The following OSBPL2 variants were observed in gnomAD, a reference collection of about 807,000 sequenced individuals.
OSBPL2 encodes the protein oxysterol-binding protein-related protein 2.
Under a neutral mutation model 58.4 loss-of-function variants are expected in OSBPL2, and 18 were observed. The ratio of observed to expected loss-of-function variants is 0.31; its 90% CI spans 0.21 to 0.46. The LOEUF (loss-of-function observed/expected upper bound fraction) is 0.46, where lower values mean the gene tolerates loss of function less well. Ranked by LOEUF, OSBPL2 falls within the 20% of genes least tolerant of loss-of-function variation. The pLI, the probability that OSBPL2 is intolerant of heterozygous loss-of-function variation, is 1.00. For missense variants in OSBPL2, 461 were observed against 616.5 expected (o/e 0.75, Z 2.67); for synonymous variants, 221 against 234.1 (o/e 0.94, Z 0.51).
intron 1 of OSBPL2, among the ~76,000 whole-genome samples, chr20:62,253,385 ACT>A (rs1980697080): frequency 6.6e-6 from 1 of 151,982 alleles, no homozygotes; most frequent in Admixed American, 6.5e-5. Flanking sequence ...GATCTTAGGA[ACT>A]CTGGACTTGA....
At chr20:62,284,014 G>C in intron 9 of OSBPL2, 32 bp from the exon 10 acceptor site, 1 of 1,601,292 alleles carries the variant, frequency 6.2e-7, no homozygotes, top group Non-Finnish European at 8.5e-7. Context: ...TAATGACTAA[G>C]ACTTGTCTTT....
chr20:62,263,577 G>A (rs1448846615), intron 3 of OSBPL2, 39 bp from the exon 4 acceptor site: 17 of 1,548,376 alleles, frequency 1.1e-5, no homozygotes, highest in East Asian at 2.2e-5. Flanking sequence ...AGAGTCCTGT[G>A]TTGAATTCAC....
intron 4 of OSBPL2, among the ~76,000 whole-genome samples, chr20:62,265,261 G>A (rs1291643991): frequency 6.6e-6 from 1 of 152,088 alleles, no homozygotes; most frequent in African/African-American, 2.4e-5. Flanking sequence ...ATTTGTATTA[G>A]TATGAACTCA....
chr20:62,260,257 C>A, intron 3 of OSBPL2, 132 bp downstream of exon 3: 1 of 802,308 alleles, frequency 1.2e-6, no homozygotes, highest in Non-Finnish European at 2.0e-6. Context: ...CCTCCCCATC[C>A]GGACAGCCTC....
intron 1 of OSBPL2, among the ~76,000 whole-genome samples, chr20:62,246,126 C>G (rs542765975): frequency 6.6e-6 from 1 of 152,386 alleles, no homozygotes; most frequent in East Asian, 1.9e-4. Flanking sequence ...AAGCCCTCTG[C>G]TCTCGCTGCT....
intron 13 of OSBPL2, among the ~76,000 whole-genome samples, chr20:62,293,071 TC>T (rs1418520621): frequency 1.3e-5 from 2 of 151,994 alleles, no homozygotes; most frequent in South Asian, 2.1e-4. Flanking sequence ...AGACGGGGTT[TC>T]CCCGTGGTCT....
intron 3 of OSBPL2, among the ~76,000 whole-genome samples, chr20:62,261,604 G>A (rs188137479): frequency 7.7e-4 from 117 of 152,030 alleles, no homozygotes; most frequent in Non-Finnish European, 1.3e-3. Flanking sequence ...TGCATTCCCC[G>A]TTTTCTAGCC....
intron 1 of OSBPL2, among the ~76,000 whole-genome samples, chr20:62,246,680 TG>T (rs1179660134): frequency 1.3e-5 from 2 of 152,276 alleles, no homozygotes; most frequent in Non-Finnish European, 1.5e-5. Flanking sequence ...TAGAAGGTGC[TG>T]GGTGAAGAGA....
At chr20:62,276,097 A>G (rs1159202343) in intron 6 of OSBPL2, among the ~76,000 whole-genome samples, 1 of 152,060 alleles carries the variant, frequency 6.6e-6, no homozygotes. Flanking sequence ...TCGTGTTTTC[A>G]GTAGAGACAG....
chr20:62,243,061 C>T (rs753098755), intron 1 of OSBPL2, among the ~76,000 whole-genome samples: 2 of 152,166 alleles, frequency 1.3e-5, no homozygotes, highest in African/African-American at 2.4e-5. Context: ...CCACTGTGCT[C>T]GGCCAGAGAG....
chr20:62,247,924 A>G (rs900156175), intron 1 of OSBPL2, among the ~76,000 whole-genome samples: 14 of 151,230 alleles, frequency 9.3e-5, no homozygotes, highest in African/African-American at 3.4e-4. Context: ...CGGCCTCCCA[A>G]AGTGCTGGGA....
Position 62,293,823 on chromosome 20 carries a change from C to CTA in OSBPL2, c.1379_1380insTA (p.Asp461ThrfsTer45). On this transcript the variant is annotated frameshift_variant, in exon 14 of 14. Coordinates refer to ENST00000313733, the MANE Select transcript of OSBPL2 (RefSeq NM_144498.4). LOFTEE classifies it high-confidence loss of function. ...GGCAATAACCCCTACACTGGGACCC[C>CTA]CGACTGGTTGTATGCAGGGGATTAC... is the stretch of plus-strand genomic sequence containing the variant. 1 of 1,614,170 alleles carries CTA rather than the reference C, an allele frequency of 6.2e-7. No homozygotes were observed. The highest frequency in any genetic ancestry group is 1.7e-5 in the Admixed American group (1 of 60,028).
chr20:62,272,228 C>G lies in OSBPL2; in HGVS notation c.362C>G (p.Ser121Cys). 1 of 1,613,654 alleles carries G rather than the reference C, an allele frequency of 6.2e-7. No homozygotes were observed. Among genetic ancestry groups the G allele is most frequent in the South Asian group, 1.1e-5 (1 of 91,062 alleles). The change falls in exon 5 of 14, where the codon TCC (serine) becomes TGC (cysteine). Residue 121 changes from serine (S) to cysteine (C), a missense_variant. Physicochemically the swap from Ser to Cys is moderately radical, Grantham distance 112. Around this residue, in one of 5 missense-constraint regions of OSBPL2, gnomAD observed 20 missense variants for 17.1 expected, o/e 1.17. Transcript: ENST00000313733. Reference sequence around the variant, plus strand: ...CACGTGTACCTCATCCACAGGGCCTCCTGCCAGCCCCAGCCCCTGGAGAGG... The same window carrying G: ...CACGTGTACCTCATCCACAGGGCCTGCTGCCAGCCCCAGCCCCTGGAGAGG... ...MEHVYLIHRA[S>C]CQPQPLERMQ...
chr20:62,243,450 AGCGCCTGCCCC>A (rs1568821364), intron 1 of OSBPL2, among the ~76,000 whole-genome samples: 3 of 58,022 alleles, frequency 5.2e-5, no homozygotes, highest in African/African-American at 1.1e-4. Flanking sequence ...CCTGCCCCGC[AGCGCCTGCCCC>A]GCAGCGCCTG....
intron 2 of OSBPL2, among the ~76,000 whole-genome samples, chr20:62,258,730 C>T (rs1027676074): frequency 3.3e-5 from 5 of 151,492 alleles, no homozygotes; most frequent in South Asian, 2.1e-4. Context: ...AGTGGCTGCC[C>T]GGGATGTGCT....
chr20:62,273,911 G>A (rs1012184530), intron 6 of OSBPL2, among the ~76,000 whole-genome samples: 7 of 152,192 alleles, frequency 4.6e-5, no homozygotes, highest in African/African-American at 7.2e-5. Context: ...AGGGTCAGAC[G>A]GCTCTGGCCA....
chr20:62,284,159 A>T lies in OSBPL2; in HGVS notation c.986A>T (p.Lys329Met), dbSNP rs1421504141. 1.9e-6 allele frequency: 3 copies of T among 1,614,070 alleles called. No homozygotes were observed. The East Asian group carries it at 6.7e-5, about 36-fold the overall frequency. ...GAGAGGAGAGGTGACCACCTGAGAA[A>T]GGCCAAGCTGGTAAGGGCTGGGGCG... The part of the protein sequence containing the change: ...KQERRGDHLR[K>M]AKLDEDSGKA... Residue 329 changes from lysine to methionine, a missense_variant, in exon 10 of 14, where the codon AAG (lysine) becomes ATG (methionine). Lys to Met is a moderately conservative substitution (Grantham distance 95). Transcript: ENST00000313733.
At chr20:62,238,633 G>C (rs2145904136) in intron 1 of OSBPL2, 36 bp downstream of exon 1, 1 of 147,822 alleles carries the variant, frequency 6.8e-6, no homozygotes, top group South Asian at 2.1e-4. Flanking sequence ...CGAAGGCCCG[G>C]GACCCCGGCG....
chr20:62,287,832 GATAACTC>G (rs139271473), intron 11 of OSBPL2, among the ~76,000 whole-genome samples: 295 of 152,296 alleles, frequency 1.9e-3, no homozygotes, highest in African/African-American at 6.9e-3. Context: ...TCTCTTTAAA[GATAACTC>G]ATGCTTCCAG....
Sources: allele counts gnomAD v4.1 joint callset (sites outside exome capture counted in the v4.1 genomes callset), GRCh38; gene constraint gnomAD v4.1.1; regional missense constraint gnomAD v4.1.1; transcripts MANE v1.5; gene names NCBI Gene and HGNC (gene_info 2026-07-23, HGNC 2026-07-21).